The following GRAP2 variants were observed in gnomAD, a reference collection of about 807,000 sequenced individuals.
GRAP2 encodes GRB2 related adaptor protein 2.
GRAP2 carries 31 observed loss-of-function variants against 43.5 expected under a neutral mutation model. The ratio of observed to expected loss-of-function variants is 0.71; its 90% CI spans 0.54 to 0.96. The LOEUF (loss-of-function observed/expected upper bound fraction) is 0.96, where lower values mean the gene tolerates loss of function less well. Ranked by LOEUF, GRAP2 falls within the 40% of genes least tolerant of loss-of-function variation. The pLI is 0.00. For missense variants in GRAP2, 371 were observed against 424.4 expected (o/e 0.87, Z 1.11); for synonymous variants, 156 against 164.8 (o/e 0.95, Z 0.41).
intron 1 of GRAP2, among the ~76,000 whole-genome samples, chr22:39,936,714 G>C (rs377283541): frequency 6.6e-6 from 1 of 152,122 alleles, no homozygotes; most frequent in African/African-American, 2.4e-5. Flanking sequence ...GAGAGACAGG[G>C]TGGTGGGGGG....
At chr22:39,946,249 G>T (rs2066921494) in intron 1 of GRAP2, among the ~76,000 whole-genome samples, 1 of 152,186 alleles carries the variant, frequency 6.6e-6, no homozygotes, top group Admixed American at 6.5e-5. Flanking sequence ...GACTCCAAGG[G>T]TTTAATTACT....
intron 1 of GRAP2, among the ~76,000 whole-genome samples, chr22:39,914,130 A>G (rs1022417852): frequency 1.3e-5 from 2 of 152,138 alleles, no homozygotes; most frequent in African/African-American, 2.4e-5. Context: ...ACCACCAAGT[A>G]TGTATTTGTT....
At chr22:39,916,372 C>G (rs2066602750) in intron 1 of GRAP2, among the ~76,000 whole-genome samples, 1 of 152,168 alleles carries the variant, frequency 6.6e-6, no homozygotes, top group Non-Finnish European at 1.5e-5. Flanking sequence ...GGTTGGTCTT[C>G]AATTTGGAAA....
chr22:39,957,711 G>A (rs572540911), intron 3 of GRAP2, among the ~76,000 whole-genome samples: 2 of 152,246 alleles, frequency 1.3e-5, no homozygotes, highest in East Asian at 3.9e-4. Flanking sequence ...GAGGGAGGAG[G>A]ATCACTTGTG....
At chr22:39,958,269 G>A (rs2067079920) in intron 3 of GRAP2, among the ~76,000 whole-genome samples, 2 of 152,104 alleles carry the variant, frequency 1.3e-5, no homozygotes, top group Admixed American at 6.5e-5. Context: ...TATAGGTTTA[G>A]AATGTCTCCT....
At chr22:39,941,912 G>A (rs1364926585) in intron 1 of GRAP2, among the ~76,000 whole-genome samples, 1 of 152,068 alleles carries the variant, frequency 6.6e-6, no homozygotes. Flanking sequence ...GAGTTCAGAG[G>A]AGGGGAAACA....
chr22:39,965,144 C>T (rs1244012214), intron 4 of GRAP2, among the ~76,000 whole-genome samples: 1 of 152,238 alleles, frequency 6.6e-6, no homozygotes, highest in Non-Finnish European at 1.5e-5. Context: ...AATCCCAGCA[C>T]TTTGGGAGGC....
chr22:39,936,402 G>T (rs895981805), intron 1 of GRAP2, among the ~76,000 whole-genome samples: 1 of 152,212 alleles, frequency 6.6e-6, no homozygotes, highest in Non-Finnish European at 1.5e-5. Context: ...TAGCAGCAGA[G>T]TGAGGCTCGA....
chr22:39,967,958 C>T (rs2067191612), intron 5 of GRAP2, 84 bp from the exon 6 acceptor site: 2 of 1,518,298 alleles, frequency 1.3e-6, no homozygotes, highest in Non-Finnish European at 1.8e-6. Context: ...TGAGCAGGGT[C>T]TGGGAACAAC....
intron 1 of GRAP2, among the ~76,000 whole-genome samples, chr22:39,915,266 G>A (rs983728186): frequency 2.4e-4 from 36 of 150,894 alleles, no homozygotes; most frequent in African/African-American, 8.8e-4. Context: ...TGTTCTGAAA[G>A]CCACCCTTTT....
chr22:39,955,351 T>C (rs1406810142), intron 2 of GRAP2, among the ~76,000 whole-genome samples: 1 of 151,712 alleles, frequency 6.6e-6, no homozygotes, highest in Admixed American at 6.6e-5. Flanking sequence ...AGCAAGACTC[T>C]GTCTCAAAAA....
chr22:39,964,346 C>G, intron 4 of GRAP2: 1 of 707,086 alleles, frequency 1.4e-6, no homozygotes, highest in Admixed American at 2.0e-5. Context: ...CGTCCAGTGG[C>G]AGGGTCTGGG....
chr22:39,922,609 A>T (rs2066662264), intron 1 of GRAP2, among the ~76,000 whole-genome samples: 1 of 152,196 alleles, frequency 6.6e-6, no homozygotes, highest in African/African-American at 2.4e-5. Flanking sequence ...TTTTGCACAA[A>T]TCACTCTGGA....
rs1046108528 is a variant in GRAP2 at position 39,949,959 on chromosome 22, A to G, written c.78+2775A>G. On this transcript the variant is annotated intron_variant, in intron 2 of 7. Transcript: ENST00000344138. ...ATCATTTCCTTGCTCAAAAGCATTC[A>G]GGGGTTTCCAATTACCAATTGATTG... 5.9e-5 allele frequency among the ~76,000 whole-genome samples: 9 copies of G among 152,160 alleles called. No homozygotes were observed. In the East Asian group the frequency reaches 1.7e-3, roughly 29 times the overall value.
intron 1 of GRAP2, among the ~76,000 whole-genome samples, chr22:39,925,614 G>T (rs115678319): frequency 1.0e-3 from 157 of 152,286 alleles, no homozygotes; most frequent in African/African-American, 3.8e-3. Flanking sequence ...ATCTTCCTGT[G>T]CTCCAGCAGT....
At chr22:39,943,901 G>A (rs966638176) in intron 1 of GRAP2, among the ~76,000 whole-genome samples, 1 of 151,934 alleles carries the variant, frequency 6.6e-6, no homozygotes, top group African/African-American at 2.4e-5. Context: ...TGTATTTTTA[G>A]TAGAGATGGG....
intron 1 of GRAP2, among the ~76,000 whole-genome samples, chr22:39,945,448 C>T (rs765902457): frequency 1.1e-4 from 16 of 152,194 alleles, no homozygotes; most frequent in Admixed American, 5.9e-4. Context: ...TCACTGGCAG[C>T]CACCTTCCTT....
At chr22:39,919,100 G>A (rs183785825) in intron 1 of GRAP2, among the ~76,000 whole-genome samples, 1 of 152,114 alleles carries the variant, frequency 6.6e-6, no homozygotes, top group Admixed American at 6.5e-5. Flanking sequence ...GTTGTACCAC[G>A]GCACTCCAGC....
intron 3 of GRAP2, among the ~76,000 whole-genome samples, chr22:39,959,071 C>T (rs1399989445): frequency 6.6e-6 from 1 of 152,222 alleles, no homozygotes. Context: ...TGCGTATGAG[C>T]CTTCTGGTGA....
Sources: allele counts gnomAD v4.1 joint callset (sites outside exome capture counted in the v4.1 genomes callset), GRCh38; gene constraint gnomAD v4.1.1; transcripts MANE v1.5; gene names NCBI Gene and HGNC (gene_info 2026-07-23, HGNC 2026-07-21).